Variants in FARS2 observed in about 807,000 individuals in gnomAD.
The protein encoded by FARS2 is phenylalanine--tRNA ligase, mitochondrial.
A neutral mutation model predicts 46.4 loss-of-function variants in FARS2; 40 were observed. That is an observed-to-expected ratio of 0.86 (90% confidence interval 0.67 to 1.12). The LOEUF (loss-of-function observed/expected upper bound fraction) is 1.12, where lower values mean the gene tolerates loss of function less well. Ranked by LOEUF, FARS2 falls within the 50% of genes most tolerant of loss-of-function variation. The probability of loss-of-function intolerance (pLI) is 0.00; values close to 1 mark genes in which losing one functional copy is unlikely to be tolerated. For missense variants in FARS2, 513 were observed against 567.9 expected (o/e 0.90, Z 0.98); for synonymous variants, 234 against 214.9 (o/e 1.09, Z -0.78).
At chr6:5,620,154 C>T (rs989664531) in intron 6 of FARS2, among the ~76,000 whole-genome samples, 7 of 151,686 alleles carry the variant, frequency 4.6e-5, no homozygotes, top group Non-Finnish European at 1.0e-4. Flanking sequence ...TAGCAGAATC[C>T]CCGGCCTCTA....
intron 6 of FARS2, among the ~76,000 whole-genome samples, chr6:5,720,138 T>C (rs770761563): frequency 7.2e-5 from 11 of 152,192 alleles, no homozygotes; most frequent in Admixed American, 2.0e-4. Flanking sequence ...GCAATACCAA[T>C]AGTTAAAAGC....
chr6:5,716,083 T>G (rs534247163), intron 6 of FARS2, among the ~76,000 whole-genome samples: 1 of 152,250 alleles, frequency 6.6e-6, no homozygotes, highest in South Asian at 2.1e-4. Context: ...GAGTTTTTCA[T>G]GTGCTTATTT....
chr6:5,765,087 T>A lies in FARS2; in HGVS notation c.1218-6204T>A, dbSNP rs1762681947. 6.6e-5 allele frequency among the ~76,000 whole-genome samples: 10 copies of A among 152,354 alleles called. No homozygotes were observed. In the South Asian group the frequency reaches 1.9e-3, roughly 28 times the overall value. On this transcript the variant is annotated intron_variant, in intron 6 of 6. Transcript: ENST00000274680. This position sits in a 1 kb window ranked among gnomAD's most constrained non-coding sequence, Gnocchi z 4.0. ...CCTGACTATACTCAGCACCTATACA[T>A]CCTTGTCTTTGGTCTAGGGGCTCTG... is the stretch of plus-strand genomic sequence containing the variant.
intron 2 of FARS2, among the ~76,000 whole-genome samples, chr6:5,388,485 CTA>C (rs1231106701): frequency 6.6e-6 from 1 of 152,166 alleles, no homozygotes; most frequent in Non-Finnish European, 1.5e-5. Flanking sequence ...AAATAGTTCT[CTA>C]TGTCTTTGCC....
At chr6:5,695,764 A>T (rs1277415129) in intron 6 of FARS2, among the ~76,000 whole-genome samples, 1 of 152,236 alleles carries the variant, frequency 6.6e-6, no homozygotes, top group African/African-American at 2.4e-5. Flanking sequence ...GAAAAGAGTG[A>T]TTAATTTAGC....
intron 6 of FARS2, among the ~76,000 whole-genome samples, chr6:5,703,368 A>G (rs1438011606): frequency 6.6e-6 from 1 of 152,070 alleles, no homozygotes; most frequent in East Asian, 1.9e-4. Flanking sequence ...ATTTTAGAAA[A>G]TAAGGTTTGT....
At chr6:5,307,160 G>A (rs1296031642) in intron 1 of FARS2, among the ~76,000 whole-genome samples, 2 of 151,848 alleles carry the variant, frequency 1.3e-5, no homozygotes, top group African/African-American at 4.8e-5. Flanking sequence ...TCCATTGAGG[G>A]GCATTTGTTA....
At chr6:5,622,382 C>T (rs1027071236) in intron 6 of FARS2, among the ~76,000 whole-genome samples, 67 of 152,314 alleles carry the variant, frequency 4.4e-4, no homozygotes, top group African/African-American at 1.6e-3. Context: ...GGCTATTCCA[C>T]ATGATGGAAA....
At chr6:5,511,762 T>G (rs997857307) in intron 4 of FARS2, among the ~76,000 whole-genome samples, 1 of 152,200 alleles carries the variant, frequency 6.6e-6, no homozygotes, top group Non-Finnish European at 1.5e-5. Context: ...TCTGTTATAT[T>G]AATGATTTCT....
chr6:5,729,967 CT>C (rs1760515429), intron 6 of FARS2, among the ~76,000 whole-genome samples: 1 of 152,184 alleles, frequency 6.6e-6, no homozygotes, highest in Admixed American at 6.5e-5. Context: ...GAGCAGCCCC[CT>C]GACCCCAGTT....
intron 6 of FARS2, among the ~76,000 whole-genome samples, chr6:5,730,353 A>G (rs971682541): frequency 1.3e-5 from 2 of 152,180 alleles, no homozygotes; most frequent in African/African-American, 4.8e-5. Flanking sequence ...CAAGGTACTA[A>G]ATAGTTGGGG....
At chr6:5,581,651 G>A (rs927184979) in intron 5 of FARS2, among the ~76,000 whole-genome samples, 1 of 152,234 alleles carries the variant, frequency 6.6e-6, no homozygotes, top group Non-Finnish European at 1.5e-5. Flanking sequence ...ATCGTGAGGT[G>A]TCCTGCCTCT....
chr6:5,639,514 A>C (rs376587962), intron 6 of FARS2, among the ~76,000 whole-genome samples: 7 of 152,208 alleles, frequency 4.6e-5, no homozygotes, highest in South Asian at 2.1e-4. Context: ...TGAGAAGTAG[A>C]TTTCTCTTGC....
chr6:5,363,763 C>G (rs1758468330), intron 1 of FARS2, among the ~76,000 whole-genome samples: 1 of 152,184 alleles, frequency 6.6e-6, no homozygotes, highest in African/African-American at 2.4e-5. Context: ...TCCCCTCTGT[C>G]TTACTCCTTA....
chr6:5,516,424 A>G (rs1768798715), intron 4 of FARS2, among the ~76,000 whole-genome samples: 1 of 152,242 alleles, frequency 6.6e-6, no homozygotes, highest in South Asian at 2.1e-4. Context: ...TCTAATTTGT[A>G]AATGGATTTT....
chr6:5,267,681 G>T (rs1765644215), intron 1 of FARS2, among the ~76,000 whole-genome samples: 1 of 151,648 alleles, frequency 6.6e-6, no homozygotes, highest in Non-Finnish European at 1.5e-5. Context: ...ATGAAGTTGG[G>T]AGGTGGAGCT....
chr6:5,250,979 T>C, the FARS2 span, among the ~76,000 whole-genome samples: 1 of 152,196 alleles, frequency 6.6e-6, no homozygotes, highest in Non-Finnish European at 1.5e-5. Context: ...TTATGCAAGG[T>C]GTCTCCTCAG....
intron 5 of FARS2, among the ~76,000 whole-genome samples, chr6:5,603,880 G>A (rs9504449): frequency 0.28 from 42,463 of 152,074 alleles, 6,686 homozygotes; most frequent in African/African-American, 0.42. Flanking sequence ...TAACAGAGCC[G>A]GTGATTACAA....
intron 6 of FARS2, among the ~76,000 whole-genome samples, chr6:5,659,454 G>T (rs191568332): frequency 1.8e-4 from 27 of 152,302 alleles, no homozygotes; most frequent in Non-Finnish European, 3.4e-4. Context: ...ACAGTCCGGT[G>T]AGCAGATAAT....
Sources: allele counts gnomAD v4.1 joint callset (sites outside exome capture counted in the v4.1 genomes callset), GRCh38; gene constraint gnomAD v4.1.1; non-coding constraint Gnocchi (gnomAD v3.1); transcripts MANE v1.5; gene names NCBI Gene and HGNC (gene_info 2026-07-23, HGNC 2026-07-21).